Variants in LRRC7 observed in about 807,000 individuals in gnomAD.
LRRC7 encodes leucine-rich repeat-containing protein 7.
LRRC7 carries 23 observed loss-of-function variants against 175.7 expected under a neutral mutation model. The observed-to-expected ratio is 0.13, with a 90% CI of 0.09 to 0.19. The LOEUF (loss-of-function observed/expected upper bound fraction) is 0.19. Among genes scored for constraint, LRRC7 ranks in the 10% least tolerant of loss-of-function variants. LRRC7 has a pLI of 1.00. For synonymous variants in LRRC7, 685 were observed against 680.9 expected (o/e 1.01, Z -0.09); for missense variants, 1,354 against 1,904.7 (o/e 0.71, Z 5.38).
chr1:70,131,959 A>G lies in LRRC7; in HGVS notation c.*10072A>G, dbSNP rs1666681327. Among the ~76,000 whole-genome samples, 1 of 152,216 alleles carries G rather than the reference A, an allele frequency of 6.6e-6. No individual in the cohort carries two copies. Among genetic ancestry groups the G allele is most frequent in the South Asian group, 2.1e-4 (1 of 4,824 alleles). On this transcript the variant is annotated 3_prime_UTR_variant, in exon 27 of 27. Transcript: ENST00000651989. ...AGAGCATTTTAGAATAATGAGAATA[A>G]TGAGTGAGTAAGGAACAAGAACAGA...
chr1:69,887,409 T>G (rs1401346554), intron 7 of LRRC7, among the ~76,000 whole-genome samples: 44 of 143,010 alleles, frequency 3.1e-4, no homozygotes, highest in Non-Finnish European at 5.9e-4. Context: ...GTTGATCGCA[T>G]TGGCTCCTGA....
intron 23 of LRRC7, among the ~76,000 whole-genome samples, chr1:70,057,615 C>G (rs1171374031): frequency 2.0e-5 from 3 of 151,364 alleles, no homozygotes; most frequent in Non-Finnish European, 4.4e-5. Flanking sequence ...TTAATCTTGT[C>G]TCTCTAACTA....
chr1:69,649,527 A>C (rs1009829083), intron 1 of LRRC7, among the ~76,000 whole-genome samples: 20 of 152,346 alleles, frequency 1.3e-4, no homozygotes, highest in African/African-American at 4.3e-4. Flanking sequence ...GCATTCAAAA[A>C]TATTCTGGGA....
chr1:69,857,842 G>A lies in LRRC7; in HGVS notation c.647+19559G>A, dbSNP rs560221639. Among the ~76,000 whole-genome samples the A allele has an allele frequency of 1.7e-3, 263 of 152,158 alleles. 1 individual carries two copies. Among genetic ancestry groups the A allele is most frequent in the Middle Eastern group, 0.01 (3 of 294 alleles). ...GAAAGAACAAAGCTGGAGGCATCAC[G>A]CTACCTGACTTCAAACTCTACTACA... is the stretch of plus-strand genomic sequence containing the variant. On this transcript the variant is annotated intron_variant, in intron 7 of 26. Transcript: ENST00000651989.
At chr1:69,812,735 A>G (rs1053018455) in intron 4 of LRRC7, among the ~76,000 whole-genome samples, 3 of 152,180 alleles carry the variant, frequency 2.0e-5, no homozygotes, top group Non-Finnish European at 2.9e-5. Context: ...CAGAAAACAT[A>G]AGCATTCAAT....
At chr1:69,822,607 A>C (rs1281426231) in intron 4 of LRRC7, among the ~76,000 whole-genome samples, 1 of 152,212 alleles carries the variant, frequency 6.6e-6, no homozygotes, top group Non-Finnish European at 1.5e-5. Flanking sequence ...TAGGCCTCTA[A>C]GACAATGTCC....
intron 3 of LRRC7, among the ~76,000 whole-genome samples, chr1:69,776,358 C>T (rs1003814267): frequency 1.3e-5 from 2 of 152,148 alleles, no homozygotes; most frequent in African/African-American, 4.8e-5. Context: ...AAGCTGGCCT[C>T]TCCCTATAAA....
chr1:69,779,154 A>C (rs1221738359), intron 3 of LRRC7, among the ~76,000 whole-genome samples: 1 of 152,118 alleles, frequency 6.6e-6, no homozygotes, highest in Non-Finnish European at 1.5e-5. Flanking sequence ...CAAAGCCAGT[A>C]GTTTTTTATA....
At chr1:69,907,655 C>G (rs545616124) in intron 7 of LRRC7, among the ~76,000 whole-genome samples, 1 of 152,092 alleles carries the variant, frequency 6.6e-6, no homozygotes, top group Non-Finnish European at 1.5e-5. Context: ...CTGCTGGATT[C>G]GATTTGCCAG....
intron 3 of LRRC7, among the ~76,000 whole-genome samples, chr1:69,766,080 G>A (rs1159366615): frequency 1.3e-5 from 2 of 151,570 alleles, no homozygotes; most frequent in East Asian, 3.9e-4. Flanking sequence ...CAATTGCAGA[G>A]AAAAAAATAT....
chr1:69,819,554 G>GCTCTCT (rs147116955), intron 4 of LRRC7, among the ~76,000 whole-genome samples: 25 of 134,614 alleles, frequency 1.9e-4, no homozygotes, highest in Middle Eastern at 3.9e-3. Flanking sequence ...TGAATGGAAT[G>GCTCTCT]CTCTCTCTCT....
intron 25 of LRRC7, among the ~76,000 whole-genome samples, chr1:70,096,494 C>A (rs1664407099): frequency 6.6e-6 from 1 of 151,824 alleles, no homozygotes; most frequent in Non-Finnish European, 1.5e-5. Context: ...AGCAACCTCT[C>A]TAGTGTGGAA....
At chr1:69,878,295 G>T (rs199665599) in intron 7 of LRRC7, among the ~76,000 whole-genome samples, 1 of 131,998 alleles carries the variant, frequency 7.6e-6, no homozygotes, top group South Asian at 2.4e-4. Context: ...AAAAAAACAA[G>T]AATGCTCTTA....
intron 1 of LRRC7, among the ~76,000 whole-genome samples, chr1:69,634,479 T>TCTTTAGGA (rs1348092517): frequency 6.6e-6 from 1 of 152,172 alleles, no homozygotes; most frequent in Non-Finnish European, 1.5e-5. Flanking sequence ...GTGACAGTTT[T>TCTTTAGGA]CATCTATGCT....
At chr1:69,792,010 T>C in intron 3 of LRRC7, 33 bp from the exon 4 acceptor site, 1 of 1,337,186 alleles carries the variant, frequency 7.5e-7, no homozygotes, top group East Asian at 2.3e-5. Flanking sequence ...TTAACCAAAT[T>C]GAGATCTAAT....
intron 4 of LRRC7, among the ~76,000 whole-genome samples, chr1:69,805,018 C>T (rs888527573): frequency 2.0e-5 from 3 of 151,648 alleles, no homozygotes; most frequent in Admixed American, 6.6e-5. Context: ...TTTGAAAGTG[C>T]TTCTAATTCT....
At chr1:69,895,630 C>T (rs1219779065) in intron 7 of LRRC7, among the ~76,000 whole-genome samples, 1 of 152,152 alleles carries the variant, frequency 6.6e-6, no homozygotes, top group African/African-American at 2.4e-5. Context: ...TATTGTTCTG[C>T]TTTCTATCAC....
intron 1 of LRRC7, among the ~76,000 whole-genome samples, chr1:69,658,492 A>G (rs1656974986): frequency 6.6e-6 from 1 of 151,970 alleles, no homozygotes; most frequent in African/African-American, 2.4e-5. Context: ...AGAACCTCCT[A>G]GAAGGTAGGT....
chr1:69,965,686 A>G (rs75971707), intron 8 of LRRC7, among the ~76,000 whole-genome samples: 2,299 of 152,240 alleles, frequency 0.015, 57 homozygotes, highest in African/African-American at 0.051. Context: ...AAAACGTGAA[A>G]TTAATGTAAA....
Sources: gnomAD v4.1 joint callset for allele counts (sites outside exome capture counted in the v4.1 genomes callset) on GRCh38, gnomAD v4.1.1 for gene constraint, MANE v1.5 for transcripts, NCBI Gene and HGNC (gene_info 2026-07-23, HGNC 2026-07-21) for gene names.